DLGAP2: variants seen among roughly 807,000 people sequenced by gnomAD.
DLGAP2 encodes the protein DLG associated protein 2.
In DLGAP2, 26 loss-of-function variants were observed where a neutral mutation model predicts 100.3. The observed-to-expected ratio is 0.26, with a 90% CI of 0.19 to 0.36. The LOEUF (loss-of-function observed/expected upper bound fraction) is 0.36, where lower values mean the gene tolerates loss of function less well. Ranked by LOEUF, DLGAP2 falls within the 10% of genes least tolerant of loss-of-function variation. The probability of loss-of-function intolerance (pLI) is 1.00; values close to 1 mark genes in which losing one functional copy is unlikely to be tolerated. For missense variants in DLGAP2, 1,858 were observed against 1,453.2 expected, an observed-to-expected ratio of 1.28 and a Z score of -4.53; for synonymous variants, 886 against 630.1, an observed-to-expected ratio of 1.41 and a Z score of -6.08.
chr8:1,316,769 C>G (rs117149988), intron 3 of DLGAP2, among the ~76,000 whole-genome samples: 1 of 137,544 alleles, frequency 7.3e-6, no homozygotes, highest in Admixed American at 7.3e-5. Context: ...TGTGCGAGTA[C>G]AGCGTCTCTC....
chr8:742,395 G>C (rs894845950), intron 1 of DLGAP2, among the ~76,000 whole-genome samples: 4 of 152,190 alleles, frequency 2.6e-5, no homozygotes, highest in Non-Finnish European at 5.9e-5. Flanking sequence ...CTGTACAAAA[G>C]AAGAAAAATG....
chr8:959,352 A>G (rs1799669318), intron 2 of DLGAP2, among the ~76,000 whole-genome samples: 1 of 152,124 alleles, frequency 6.6e-6, no homozygotes, highest in South Asian at 2.1e-4. Flanking sequence ...ACTGTCACGG[A>G]TGAGCCAGGC....
rs138304275 is a variant in DLGAP2 at position 871,286 on chromosome 8, C to A, written c.19-36626C>A. Among the ~76,000 whole-genome samples the A allele has an allele frequency of 8.1e-3, 1,236 of 152,338 alleles. 14 individuals carry two copies. The highest frequency in any genetic ancestry group is 0.028 in the African/African-American group (1,163 of 41,574). On this transcript the variant is annotated intron_variant, in intron 1 of 14. Coordinates refer to ENST00000637795, the MANE Select transcript of DLGAP2 (RefSeq NM_001346810.2). ...CACCTGAATTAATTGGCTGCACTAT[C>A]TTCTGTCCAAACTGTTAGTTGAGTT... is the stretch of plus-strand genomic sequence containing the variant.
intron 3 of DLGAP2, among the ~76,000 whole-genome samples, chr8:1,360,638 C>A (rs1801961888): frequency 6.6e-6 from 1 of 152,192 alleles, no homozygotes; most frequent in Admixed American, 6.5e-5. Flanking sequence ...CATATGCACA[C>A]CCCCCACATC....
chr8:1,027,447 G>A (rs1320861428), intron 2 of DLGAP2, among the ~76,000 whole-genome samples: 6 of 150,370 alleles, frequency 4.0e-5, no homozygotes, highest in African/African-American at 1.2e-4. Context: ...GGTGCCAGGC[G>A]CTCGTTATTC....
chr8:1,042,003 T>A (rs538672975), intron 2 of DLGAP2, among the ~76,000 whole-genome samples: 6 of 152,270 alleles, frequency 3.9e-5, no homozygotes, highest in African/African-American at 1.4e-4. Flanking sequence ...GTCGAGGTAA[T>A]TCTGTGTCCC....
chr8:890,730 C>G (rs1332217676), intron 1 of DLGAP2, among the ~76,000 whole-genome samples: 1 of 152,136 alleles, frequency 6.6e-6, no homozygotes, highest in Non-Finnish European at 1.5e-5. Flanking sequence ...CACAGATCCC[C>G]TTGGCAGAGT....
intron 2 of DLGAP2, among the ~76,000 whole-genome samples, chr8:1,026,501 T>C (rs1801804768): frequency 6.6e-6 from 1 of 152,228 alleles, no homozygotes; most frequent in Admixed American, 6.5e-5. Context: ...TCTAAACTGC[T>C]GGCTGGGCTG....
At chr8:1,319,170 G>A (rs1800838163) in intron 3 of DLGAP2, among the ~76,000 whole-genome samples, 1 of 152,124 alleles carries the variant, frequency 6.6e-6, no homozygotes. Context: ...AGTGCCTGGG[G>A]CCCCCATGGC....
chr8:867,734 C>T (rs1797524990), intron 1 of DLGAP2, among the ~76,000 whole-genome samples: 1 of 152,176 alleles, frequency 6.6e-6, no homozygotes, highest in South Asian at 2.1e-4. Flanking sequence ...ATGCAGGTTT[C>T]TCAGTGCGTA....
chr8:770,333 C>T (rs1248480325), intron 1 of DLGAP2, among the ~76,000 whole-genome samples: 1 of 152,164 alleles, frequency 6.6e-6, no homozygotes, highest in Non-Finnish European at 1.5e-5. Context: ...TCCTCCGCCT[C>T]CCACCCTGGG....
At chr8:1,258,792 T>C (rs1799282051) in intron 2 of DLGAP2, 59 bp from the exon 3 acceptor site, 1 of 1,224,464 alleles carries the variant, frequency 8.2e-7, no homozygotes, top group Non-Finnish European at 1.0e-6. Flanking sequence ...GTTGAATCTT[T>C]TTAACTGCAT....
At chr8:1,334,415 G>A (rs1297300075) in intron 3 of DLGAP2, among the ~76,000 whole-genome samples, 4 of 152,182 alleles carry the variant, frequency 2.6e-5, no homozygotes, top group Non-Finnish European at 4.4e-5. Flanking sequence ...ATATGTCAAG[G>A]AGTCGGTGAA....
At chr8:1,414,743 G>A (rs1796831320) in intron 3 of DLGAP2, among the ~76,000 whole-genome samples, 1 of 152,192 alleles carries the variant, frequency 6.6e-6, no homozygotes, top group Non-Finnish European at 1.5e-5. Flanking sequence ...GCACGGTGGT[G>A]CATGTCTGTA....
chr8:1,387,067 C>T (rs141702429), intron 3 of DLGAP2, among the ~76,000 whole-genome samples: 9 of 152,180 alleles, frequency 5.9e-5, no homozygotes, highest in African/African-American at 1.4e-4. Flanking sequence ...AACTAGATAA[C>T]GGCATGTATT....
At chr8:1,075,399 A>G (rs1803574776) in intron 2 of DLGAP2, among the ~76,000 whole-genome samples, 2 of 152,074 alleles carry the variant, frequency 1.3e-5, no homozygotes, top group South Asian at 2.1e-4. Flanking sequence ...GCGGCTGGTC[A>G]GGCTCCCAGA....
chr8:814,682 C>G (rs1469028530), intron 1 of DLGAP2, among the ~76,000 whole-genome samples: 1 of 150,262 alleles, frequency 6.7e-6, no homozygotes, highest in Non-Finnish European at 1.5e-5. Flanking sequence ...CCCGTCTCTA[C>G]TAAAAATACA....
chr8:1,146,599 G>T (rs113105332), intron 2 of DLGAP2, among the ~76,000 whole-genome samples: 4 of 152,096 alleles, frequency 2.6e-5, no homozygotes, highest in Non-Finnish European at 4.4e-5. Context: ...GTGCACCTGC[G>T]CATGTGTGTG....
intron 1 of DLGAP2, among the ~76,000 whole-genome samples, chr8:814,002 A>G (rs1796418591): frequency 1.3e-5 from 2 of 152,300 alleles, no homozygotes; most frequent in Admixed American, 1.3e-4. Context: ...CTGAATTTTA[A>G]TTTTAATGGT....
Sources: allele counts gnomAD v4.1 joint callset (sites outside exome capture counted in the v4.1 genomes callset), GRCh38; gene constraint gnomAD v4.1.1; transcripts MANE v1.5; gene names NCBI Gene and HGNC (gene_info 2026-07-23, HGNC 2026-07-21).